The following CCDC7 variants were observed in gnomAD, a reference collection of about 807,000 sequenced individuals.
CCDC7 encodes coiled-coil domain containing 7, also known as coiled-coil domain-containing protein 7.
In CCDC7, 183 loss-of-function variants were observed where a neutral mutation model predicts 196.9. The ratio of observed to expected loss-of-function variants is 0.93; its 90% CI spans 0.82 to 1.05. The LOEUF is 1.05. CCDC7 is among the 50% of genes least tolerant of loss of function. The pLI, the probability that CCDC7 is intolerant of heterozygous loss-of-function variation, is 0.00. For synonymous variants in CCDC7, 525 were observed against 484.6 expected (o/e 1.08, Z -1.10); for missense variants, 1,540 against 1,482.2 (o/e 1.04, Z -0.64).
intron 18 of CCDC7, among the ~76,000 whole-genome samples, chr10:32,593,500 C>CCTGTTCA (rs1256124143): frequency 1.3e-5 from 2 of 152,122 alleles, no homozygotes; most frequent in Admixed American, 1.3e-4. Context: ...CTGTAGGTTG[C>CCTGTTCA]CTGTTCACTC....
chr10:32,668,329 A>T (rs1442375893), intron 21 of CCDC7, among the ~76,000 whole-genome samples: 2 of 152,098 alleles, frequency 1.3e-5, no homozygotes, highest in African/African-American at 4.8e-5. Context: ...GAACAATTTG[A>T]CTTCCTCTTT....
chr10:32,618,790 G>A (rs1290996971), intron 18 of CCDC7, among the ~76,000 whole-genome samples: 1 of 151,932 alleles, frequency 6.6e-6, no homozygotes, highest in Non-Finnish European at 1.5e-5. Context: ...CAATGTATTT[G>A]CCTTGGGATA....
At chr10:32,708,403 A>T (rs2080190655) in intron 24 of CCDC7, among the ~76,000 whole-genome samples, 1 of 152,254 alleles carries the variant, frequency 6.6e-6, no homozygotes, top group South Asian at 2.1e-4. Flanking sequence ...TTCAGATCAT[A>T]GGCATGGACA....
At chr10:32,696,485 T>A (rs1449547092) in intron 24 of CCDC7, among the ~76,000 whole-genome samples, 1 of 152,072 alleles carries the variant, frequency 6.6e-6, no homozygotes, top group African/African-American at 2.4e-5. Context: ...TTTTCTGTTT[T>A]TTTTTTTTAA....
chr10:32,649,967 A>G (rs530434785), intron 20 of CCDC7, among the ~76,000 whole-genome samples: 4 of 152,316 alleles, frequency 2.6e-5, no homozygotes, highest in South Asian at 2.1e-4. Flanking sequence ...TGTGATCTCA[A>G]TGAGCTTCTT....
intron 2 of CCDC7, among the ~76,000 whole-genome samples, chr10:32,453,681 T>TAG (rs1346511346): frequency 2.6e-5 from 4 of 152,116 alleles, no homozygotes; most frequent in African/African-American, 4.8e-5. Context: ...ACCAACATTT[T>TAG]AAAGATAGAG....
intron 38 of CCDC7, 109 bp from the exon 40 acceptor site, chr10:32,848,487 G>A (rs2093405317): frequency 1.3e-6 from 1 of 777,348 alleles, no homozygotes; most frequent in Non-Finnish European, 2.0e-6. Context: ...AATAAAATGT[G>A]GGAAGAAAAA....
At chr10:32,636,033 A>G (rs1185914904) in intron 20 of CCDC7, among the ~76,000 whole-genome samples, 1 of 152,096 alleles carries the variant, frequency 6.6e-6, no homozygotes, top group East Asian at 1.9e-4. Flanking sequence ...ACTTTATTCT[A>G]AAGACACCTC....
intron 18 of CCDC7, among the ~76,000 whole-genome samples, chr10:32,610,470 G>A (rs557969533): frequency 5.9e-5 from 9 of 152,184 alleles, no homozygotes; most frequent in African/African-American, 2.2e-4. Flanking sequence ...TGTGCAGAAT[G>A]TGCAGGTTTG....
rs1271026565 is a variant in CCDC7, at chr10:32,634,428, G to A, written c.1912+64G>A. 19 of 689,574 alleles carry A rather than the reference G, an allele frequency of 2.8e-5. No homozygotes were observed. In the East Asian group the frequency reaches 3.3e-4, roughly 12 times the overall value. The allele number at this position is 689,574 out of a possible 1,614,324, so 42.7% of individuals were successfully genotyped here. A position where few individuals can be genotyped will look rare whatever the true frequency, so the allele number is the denominator to read the frequency against. On this transcript the variant is annotated intron_variant, in intron 19 of 41. Coordinates refer to ENST00000639629, the Ensembl canonical transcript of CCDC7. The stretch of plus-strand genomic sequence containing the variant: ...TTTTTATTTTTTGAGATGGAGTCTC[G>A]CCCTGTCACCCAGGCTGGAGTGCAG...
At position 32,831,579 on chromosome 10, in the gene CCDC7, GCTTT is replaced by G. The variant is rs138356509; in HGVS notation, c.3269-3233_3269-3230del. On this transcript the variant is annotated intron_variant, in intron 32 of 41. Coordinates refer to ENST00000639629, the Ensembl canonical transcript of CCDC7. ...TTTCTATATCCTTATTCAATAAGCT[GCTTT>G]CTATTTAATTTTTTTATTACCTTTA... Among the ~76,000 whole-genome samples, 105 of 152,080 alleles carry G rather than the reference GCTTT, an allele frequency of 6.9e-4. 1 individual carries two copies. The highest frequency in any genetic ancestry group is 2.3e-3 in the African/African-American group (95 of 41,482).
intron 20 of CCDC7, among the ~76,000 whole-genome samples, chr10:32,652,692 C>T: frequency 6.6e-6 from 1 of 152,090 alleles, no homozygotes; most frequent in Admixed American, 6.5e-5. Context: ...CTAAAAAAAA[C>T]TTTATACTTT....
At chr10:32,674,696 A>T (rs2074628160) in intron 21 of CCDC7, among the ~76,000 whole-genome samples, 1 of 152,020 alleles carries the variant, frequency 6.6e-6, no homozygotes, top group South Asian at 2.1e-4. Flanking sequence ...CTCTCTCTTC[A>T]TACCTATTAT....
At chr10:32,655,672 G>A (rs1254534609) in intron 20 of CCDC7, among the ~76,000 whole-genome samples, 1 of 151,908 alleles carries the variant, frequency 6.6e-6, no homozygotes, top group Non-Finnish European at 1.5e-5. Flanking sequence ...AACTACTTGG[G>A]ATGCCACCCA....
At chr10:32,799,795 C>T (rs1344188378) in intron 29 of CCDC7, among the ~76,000 whole-genome samples, 1 of 152,166 alleles carries the variant, frequency 6.6e-6, no homozygotes, top group Non-Finnish European at 1.5e-5. Flanking sequence ...AGCATAATGT[C>T]ATCAATATAA....
chr10:32,605,933 G>T (rs1373212931), intron 18 of CCDC7, among the ~76,000 whole-genome samples: 2 of 152,220 alleles, frequency 1.3e-5, no homozygotes, highest in African/African-American at 4.8e-5. Context: ...AGGGAGCCAG[G>T]TGCTCATAGC....
At chr10:32,777,529 C>T (rs914851509) in intron 28 of CCDC7, among the ~76,000 whole-genome samples, 2 of 152,162 alleles carry the variant, frequency 1.3e-5, no homozygotes, top group Non-Finnish European at 2.9e-5. Context: ...TCTCCACAGA[C>T]TTGCCATCTG....
At chr10:32,881,854 A>C (rs1276268242), downstream of CCDC7, among the ~76,000 whole-genome samples, 1 of 152,038 alleles carries the variant, frequency 6.6e-6, no homozygotes, top group Non-Finnish European at 1.5e-5. Context: ...CTCGCCTGTG[A>C]GATCTCATCT....
intron 20 of CCDC7, among the ~76,000 whole-genome samples, chr10:32,657,425 A>T (rs911500123): frequency 6.6e-6 from 1 of 152,120 alleles, no homozygotes; most frequent in Non-Finnish European, 1.5e-5. Context: ...CCCAAATCTC[A>T]ATTCTTGACT....
Sources: gnomAD v4.1 joint callset for allele counts (sites outside exome capture counted in the v4.1 genomes callset) on GRCh38, gnomAD v4.1.1 for gene constraint, MANE v1.5 for transcripts, NCBI Gene and HGNC (gene_info 2026-07-23, HGNC 2026-07-21) for gene names.